Variants in XPO4 observed in about 807,000 individuals in gnomAD.
XPO4 encodes exportin-4.
XPO4 carries 39 observed loss-of-function variants against 143.0 expected under a neutral mutation model. That is an observed-to-expected ratio of 0.27 (90% CI 0.21 to 0.36). The LOEUF (loss-of-function observed/expected upper bound fraction) is 0.36. Among genes scored for constraint, XPO4 ranks in the 10% least tolerant of loss-of-function variants. The pLI is 1.00. For missense variants in XPO4, 907 were observed against 1,348.0 expected, an observed-to-expected ratio of 0.67 and a Z score of 5.12; for synonymous variants, 439 against 474.0, an observed-to-expected ratio of 0.93 and a Z score of 0.96.
intron 2 of XPO4, chr13:20,866,129 T>C (rs2060242863): frequency 4.1e-6 from 4 of 984,632 alleles, no homozygotes; most frequent in African/African-American, 1.8e-5. Flanking sequence ...TAAAGGAACA[T>C]TTGATCCTAA....
In XPO4 at chr13:20,782,998, A is replaced by C. The variant is rs1380790035; in HGVS notation, c.*724T>G. 1 of 152,440 alleles carries C rather than the reference A, an allele frequency of 6.6e-6. No homozygotes were observed. The highest frequency in any genetic ancestry group is 2.4e-5 in the African/African-American group (1 of 41,464). The allele number at this position is 152,440 out of a possible 1,614,324, so 9.4% of individuals were successfully genotyped here. ...GAGAGAAAAGAAAGAGAGAGACAGA[A>C]AGCAAGAAAAGCAAGAAAGCAAGCA... is the stretch of plus-strand genomic sequence containing the variant. On this transcript the variant is annotated 3_prime_UTR_variant, in exon 23 of 23. Coordinates refer to ENST00000255305, the MANE Select transcript of XPO4 (RefSeq NM_022459.5).
chr13:20,874,327 A>T (rs1482727019), intron 1 of XPO4, among the ~76,000 whole-genome samples: 3 of 152,236 alleles, frequency 2.0e-5, no homozygotes, highest in African/African-American at 7.2e-5. Flanking sequence ...CTCATATCAT[A>T]GAGCTCATTT....
In XPO4 at chr13:20,800,224, C is replaced by G; in HGVS notation, c.2079G>C (p.Trp693Cys). The change falls in exon 15 of 23, where the codon TGG (tryptophan) becomes TGC (cysteine). Residue 693 changes from tryptophan (W) to cysteine (C), a missense_variant. Physicochemically the swap from Trp to Cys is radical, Grantham distance 215. Coordinates refer to ENST00000255305, the MANE Select transcript of XPO4 (RefSeq NM_022459.5). ...LQKVISNLSV[W>C]SSEQDLANDT... is the part of the protein sequence containing the mutation. ...CATTTGCAAGGTCCTGCTCACTACTCCAGACTGAGAGGTTACTGATGACTT... is the reference window on the plus strand; with the variant it reads ...CATTTGCAAGGTCCTGCTCACTACTGCAGACTGAGAGGTTACTGATGACTT... 3.7e-6 allele frequency: 6 copies of G among 1,614,148 alleles called. No individual in the cohort carries two copies. Among genetic ancestry groups the G allele is most frequent in the Non-Finnish European group, 5.1e-6 (6 of 1,180,030 alleles).
intron 3 of XPO4, chr13:20,856,153 G>GA (rs11408375): frequency 0.036 from 8,147 of 224,290 alleles, 609 homozygotes; most frequent in African/African-American, 0.16. Flanking sequence ...TATTTGTAGG[G>GA]AAAAAAATCA....
chr13:20,902,159 C>G (rs1408382667), intron 1 of XPO4: 2 of 985,244 alleles, frequency 2.0e-6, no homozygotes, highest in South Asian at 9.4e-5. Context: ...CACGTGCTGC[C>G]GGCTGCAATT....
At chr13:20,860,587 C>T (rs2138116371) in intron 3 of XPO4, among the ~76,000 whole-genome samples, 1 of 152,316 alleles carries the variant, frequency 6.6e-6, no homozygotes, top group East Asian at 1.9e-4. Context: ...GTCAAGACCT[C>T]TACTCACCTG....
At chr13:20,868,913 G>A (rs2060267483) in intron 1 of XPO4, among the ~76,000 whole-genome samples, 1 of 152,216 alleles carries the variant, frequency 6.6e-6, no homozygotes, top group East Asian at 1.9e-4. Flanking sequence ...TCCTGGCAAG[G>A]TTTGGGTCAG....
At chr13:20,821,071 G>A (rs530554268) in intron 9 of XPO4, among the ~76,000 whole-genome samples, 2 of 152,100 alleles carry the variant, frequency 1.3e-5, no homozygotes, top group East Asian at 1.9e-4. Context: ...TTTAGTAGAC[G>A]TCTAAATTTA....
chr13:20,849,346 T>C (rs997012444), intron 4 of XPO4: 2 of 985,328 alleles, frequency 2.0e-6, no homozygotes, highest in African/African-American at 1.7e-5. Flanking sequence ...CTCTCTAGTA[T>C]GGCAAAGAGG....
At chr13:20,856,398 A>C (rs2060144616) in intron 3 of XPO4, 1 of 982,784 alleles carries the variant, frequency 1.0e-6, no homozygotes, top group African/African-American at 1.7e-5. Flanking sequence ...TCCCAAGTGG[A>C]GGCATTTTAC....
At chr13:20,894,388 TAAAC>T (rs2060548071) in intron 1 of XPO4, among the ~76,000 whole-genome samples, 1 of 152,230 alleles carries the variant, frequency 6.6e-6, no homozygotes, top group Non-Finnish European at 1.5e-5. Flanking sequence ...TAGCAGTGAT[TAAAC>T]AAATCTGTGG....
intron 2 of XPO4, among the ~76,000 whole-genome samples, chr13:20,868,119 G>A (rs1405994773): frequency 2.6e-5 from 4 of 151,044 alleles, no homozygotes; most frequent in Non-Finnish European, 1.5e-5. Flanking sequence ...GATACCCTAC[G>A]CAGAAATGAC....
intron 5 of XPO4, among the ~76,000 whole-genome samples, chr13:20,843,454 C>T (rs997048629): frequency 6.6e-6 from 1 of 152,152 alleles, no homozygotes; most frequent in Non-Finnish European, 1.5e-5. Context: ...TGGCATTCTT[C>T]CAGACCTATT....
intron 20 of XPO4, 50 bp downstream of exon 20, chr13:20,788,436 G>A: frequency 1.3e-6 from 2 of 1,565,636 alleles, no homozygotes; most frequent in Middle Eastern, 1.7e-4. Context: ...TTTAAAGGAA[G>A]ATCTTTTTCC....
chr13:20,835,628 TC>T (rs974066783), intron 6 of XPO4, among the ~76,000 whole-genome samples: 36 of 152,128 alleles, frequency 2.4e-4, no homozygotes, highest in African/African-American at 8.7e-4. Flanking sequence ...AAACAACATT[TC>T]CTTGGCACAA....
At chr13:20,828,501 T>G (rs574679073) in intron 6 of XPO4, among the ~76,000 whole-genome samples, 1 of 152,190 alleles carries the variant, frequency 6.6e-6, no homozygotes, top group Admixed American at 6.5e-5. Context: ...AACTTTTTTT[T>G]AAGATAATTG....
At position 20,799,224 on chromosome 13, in the gene XPO4, G is replaced by A; in HGVS notation, c.2263C>T (p.Leu755=). 6.2e-7 allele frequency: 1 copy of A among 1,613,348 alleles called. No individual in the cohort carries two copies. Among genetic ancestry groups the A allele is most frequent in the Non-Finnish European group, 8.5e-7 (1 of 1,179,446 alleles). The change falls in exon 16 of 23, where the codon CTA becomes TTA. Residue 755 remains leucine (L), a synonymous_variant. Coordinates refer to ENST00000255305, the MANE Select transcript of XPO4 (RefSeq NM_022459.5). ...ATATGTGCAAAACCTCCTAAGACTA[G>A]AGCCTTCATCAATGTCCTCTGCACA... The part of the protein sequence containing the change: ...SPVQRTLMKA[L]VLGGFAHMDT...
At chr13:20,799,492 A>G (rs1302824883) in intron 15 of XPO4, among the ~76,000 whole-genome samples, 153 bp from the exon 16 acceptor site, 1 of 152,238 alleles carries the variant, frequency 6.6e-6, no homozygotes, top group Non-Finnish European at 1.5e-5. Context: ...CTTTGAAGTC[A>G]CAGGCTTACA....
Position 20,782,798 on chromosome 13 carries a change from C to A in XPO4, c.*924G>T, listed in dbSNP as rs544463212. The A allele has an allele frequency of 6.6e-6, 1 of 152,588 alleles. No individual in the cohort carries two copies. The highest frequency in any genetic ancestry group is 1.5e-5 in the Non-Finnish European group (1 of 68,020). 9.5% of individuals were successfully genotyped at this position (152,588 alleles called of 1,614,324 possible). ...GACGTGGTTTCTTACTAAAACAAAT[C>A]AGCTGTTTTTGTATTTTCCTCTTAA... On this transcript the variant is annotated 3_prime_UTR_variant, in exon 23 of 23. Transcript: ENST00000255305.
Sources: gnomAD v4.1 joint callset for allele counts (sites outside exome capture counted in the v4.1 genomes callset) on GRCh38, gnomAD v4.1.1 for gene constraint, MANE v1.5 for transcripts, NCBI Gene and HGNC (gene_info 2026-07-23, HGNC 2026-07-21) for gene names.